The following ANO2 variants were observed in gnomAD, a reference collection of about 807,000 sequenced individuals.
The protein encoded by ANO2 is anoctamin 2, also known as anoctamin-2.
Under a neutral mutation model 124.2 loss-of-function variants are expected in ANO2, and 101 were observed. The observed-to-expected ratio is 0.81, with a 90% CI of 0.69 to 0.96. ANO2 has a LOEUF of 0.96. Ranked by LOEUF, ANO2 falls within the 40% of genes least tolerant of loss-of-function variation. ANO2 has a pLI of 0.00. For synonymous variants in ANO2, 486 were observed against 482.5 expected, an observed-to-expected ratio of 1.01 and a Z score of -0.09; for missense variants, 1,293 against 1,274.5, an observed-to-expected ratio of 1.01 and a Z score of -0.22.
chr12:5,869,475 G>A (rs1338114460), intron 3 of ANO2, among the ~76,000 whole-genome samples: 7 of 152,108 alleles, frequency 4.6e-5, no homozygotes, highest in East Asian at 1.9e-4. Flanking sequence ...ATGAGGGTGG[G>A]CATCATCTCC....
intron 10 of ANO2, among the ~76,000 whole-genome samples, chr12:5,768,420 C>T (rs1044100354): frequency 2.0e-5 from 3 of 152,170 alleles, no homozygotes; most frequent in Non-Finnish European, 4.4e-5. Context: ...GGAAAAAGAG[C>T]AGAAGTGTTG....
intron 8 of ANO2, 96 bp downstream of exon 8, chr12:5,807,217 C>T (rs1311246200): frequency 4.2e-5 from 44 of 1,051,354 alleles, no homozygotes; most frequent in Non-Finnish European, 5.6e-5. Context: ...TCCTGCCTCA[C>T]CCTGCAGGTA....
At chr12:5,628,738 G>A (rs1038975997) in intron 16 of ANO2, among the ~76,000 whole-genome samples, 1 of 152,198 alleles carries the variant, frequency 6.6e-6, no homozygotes, top group Non-Finnish European at 1.5e-5. Flanking sequence ...GTGTACAAGT[G>A]TGTGCATGTG....
chr12:5,669,637 G>A (rs1353174805), intron 14 of ANO2, among the ~76,000 whole-genome samples: 9 of 152,180 alleles, frequency 5.9e-5, no homozygotes, highest in Non-Finnish European at 1.3e-4. Flanking sequence ...AATGCTTCCA[G>A]CTTTTGCCCA....
intron 3 of ANO2, among the ~76,000 whole-genome samples, chr12:5,869,807 C>T (rs1332024219): frequency 2.6e-5 from 4 of 152,142 alleles, no homozygotes; most frequent in Admixed American, 6.5e-5. Context: ...CCCTGAGACA[C>T]CTGCCCCCTT....
chr12:5,659,575 C>T (rs1947340991), intron 14 of ANO2, among the ~76,000 whole-genome samples: 1 of 152,232 alleles, frequency 6.6e-6, no homozygotes, highest in African/African-American at 2.4e-5. Flanking sequence ...GCAGGCATGC[C>T]TAAAGCCCAG....
At chr12:5,845,138 GCCTATA>G (rs1423938453) in intron 4 of ANO2, among the ~76,000 whole-genome samples, 2 of 151,930 alleles carry the variant, frequency 1.3e-5, no homozygotes, top group African/African-American at 2.4e-5. Context: ...GGAGGTGTGT[GCCTATA>G]GTCCCAGCTA....
chr12:5,906,923 G>C (rs1401387121), intron 3 of ANO2, among the ~76,000 whole-genome samples: 1 of 152,178 alleles, frequency 6.6e-6, no homozygotes, highest in Non-Finnish European at 1.5e-5. Flanking sequence ...AGGTGTACTA[G>C]GTGCTTTGGT....
intron 3 of ANO2, among the ~76,000 whole-genome samples, chr12:5,883,179 G>A (rs138643155): frequency 1.5e-3 from 232 of 151,206 alleles, no homozygotes; most frequent in African/African-American, 5.2e-3. Flanking sequence ...GTCACTCCCC[G>A]CCTAGCATGC....
At chr12:5,602,784 AAAC>A (rs1375609458) in intron 19 of ANO2, among the ~76,000 whole-genome samples, 1 of 90,850 alleles carries the variant, frequency 1.1e-5, no homozygotes, top group Non-Finnish European at 2.5e-5. Flanking sequence ...CCAGAGAAAC[AAAC>A]ATAGATCCTC....
chr12:5,837,228 A>ACCACGGGGCCAGGAGTGCAGCAC (rs1441935073), intron 4 of ANO2, among the ~76,000 whole-genome samples: 1 of 107,682 alleles, frequency 9.3e-6, no homozygotes, highest in Non-Finnish European at 2.2e-5. Flanking sequence ...GAGTGCAGCA[A>ACCACGGGGCCAGGAGTGCAGCAC]CCACGGGGCC....
At chr12:5,824,600 A>C (rs539589189) in intron 7 of ANO2, among the ~76,000 whole-genome samples, 1 of 152,306 alleles carries the variant, frequency 6.6e-6, no homozygotes, top group African/African-American at 2.4e-5. Context: ...GGAAGTTCCA[A>C]ACTTTCCCAC....
intron 11 of ANO2, among the ~76,000 whole-genome samples, chr12:5,747,600 G>A (rs541586511): frequency 2.6e-5 from 4 of 152,084 alleles, no homozygotes; most frequent in Non-Finnish European, 5.9e-5. Flanking sequence ...AATTTTAAAC[G>A]TTTTTGACTG....
chr12:5,725,801 C>G (rs1038150193), intron 14 of ANO2, among the ~76,000 whole-genome samples: 4 of 151,986 alleles, frequency 2.6e-5, no homozygotes, highest in African/African-American at 9.7e-5. Context: ...GCCTCAACAT[C>G]CCTTCTTCTA....
At chr12:5,600,206 G>A (rs1288230301) in intron 19 of ANO2, among the ~76,000 whole-genome samples, 1 of 136,324 alleles carries the variant, frequency 7.3e-6, no homozygotes, top group Non-Finnish European at 1.6e-5. Flanking sequence ...GGTCAAAAAG[G>A]TGGGGTCCTA....
chr12:5,761,058 CAAA>C (rs34278479), intron 10 of ANO2, among the ~76,000 whole-genome samples: 18,727 of 120,808 alleles, frequency 0.16, 1,411 homozygotes, highest in African/African-American at 0.27. Context: ...ACCCCCACAG[CAAA>C]AAAAAAAAAA....
In ANO2 at chr12:5,563,391, G is replaced by A. The variant is rs569322226; in HGVS notation, c.2905C>T (p.Arg969Ter). The A allele has an allele frequency of 4.4e-6, 7 of 1,607,832 alleles. No individual in the cohort carries two copies. Among genetic ancestry groups the A allele is most frequent in the Non-Finnish European group, 5.9e-6 (7 of 1,177,554 alleles). The stretch of plus-strand genomic sequence containing the variant: ...GAGCTGGCTGCCCGGCTCCTGCTTC[G>A]ATCCCCACCTCCTGGGCTCCTCAGA... ...PALRSPGGGD[R>*]SRSRAASSAP... Residue 969 changes from arginine to a stop codon, truncating the protein, a stop_gained, in exon 25 of 25, where the codon CGA (arginine) becomes TGA (stop). Transcript: ENST00000682330. LOFTEE classifies it high-confidence loss of function.
At chr12:5,919,027 T>C (rs1941540648) in intron 3 of ANO2, among the ~76,000 whole-genome samples, 1 of 152,124 alleles carries the variant, frequency 6.6e-6, no homozygotes, top group African/African-American at 2.4e-5. Context: ...GTGCTGGGGA[T>C]GTGCAGCGAG....
rs1227369503 is a variant in ANO2, at chr12:5,787,735, C to G, written c.1055+11772G>C. Among the ~76,000 whole-genome samples, 5 of 152,162 alleles carry G rather than the reference C, an allele frequency of 3.3e-5. No individual in the cohort carries two copies. The highest frequency in any genetic ancestry group is 1.2e-4 in the African/African-American group (5 of 41,418). On this transcript the variant is annotated intron_variant, in intron 10 of 24. Transcript: ENST00000682330. The surrounding 1 kb of genome is among the most constrained non-coding windows in gnomAD (Gnocchi z 4.2). ...GCAAATCATACTAGTTTAAATGTCG[C>G]TTCCTCAGGGAGATCTCCAATTAGG...
Sources: gnomAD v4.1 joint callset for allele counts (sites outside exome capture counted in the v4.1 genomes callset) on GRCh38, gnomAD v4.1.1 for gene constraint, Gnocchi (gnomAD v3.1) non-coding constraint, MANE v1.5 for transcripts, NCBI Gene and HGNC (gene_info 2026-07-23, HGNC 2026-07-21) for gene names.